Variants in SNW1 observed in about 807,000 individuals in gnomAD.
SNW1 encodes SNW domain containing 1.
A neutral mutation model predicts 75.6 loss-of-function variants in SNW1; 9 were observed. The observed-to-expected ratio is 0.12, with a 90% CI of 0.07 to 0.21. The LOEUF is 0.21. Ranked by LOEUF, SNW1 falls within the 10% of genes least tolerant of loss-of-function variation. The pLI, the probability that SNW1 is intolerant of heterozygous loss-of-function variation, is 1.00. For synonymous variants in SNW1, 200 were observed against 219.1 expected, an observed-to-expected ratio of 0.91 and a Z score of 0.77; for missense variants, 409 against 670.9, an observed-to-expected ratio of 0.61 and a Z score of 4.31.
rs373811353 is a variant in SNW1 at position 77,736,091 on chromosome 14, T to TA, written c.639-86dup. 1,037 of 967,464 alleles carry TA rather than the reference T, an allele frequency of 1.1e-3. 9 individuals carry two copies. In the African/African-American group the frequency reaches 0.015, roughly 14 times the overall value. The allele number at this position is 967,464 out of a possible 1,614,324, so 59.9% of individuals were successfully genotyped here. On this transcript the variant is annotated intron_variant, in intron 6 of 13. Coordinates refer to ENST00000261531, the MANE Select transcript of SNW1 (RefSeq NM_012245.3). ...CAAGTCTCTCCTCCTTTTTCTTGCA[T>TA]AAAAGTTTCAAACATAGACAAAAAC...
chr14:77,740,839 G>A (rs1156545317), intron 3 of SNW1, among the ~76,000 whole-genome samples: 2 of 152,148 alleles, frequency 1.3e-5, no homozygotes. Flanking sequence ...GCTCACGCCT[G>A]TAATCCCAGC....
At chr14:77,745,967 C>T (rs753728897) in intron 3 of SNW1, among the ~76,000 whole-genome samples, 2 of 147,724 alleles carry the variant, frequency 1.4e-5, no homozygotes, top group African/African-American at 2.5e-5. Context: ...AAGGCTGCAG[C>T]GAGTCGTTAT....
chr14:77,755,010 G>C lies in SNW1; in HGVS notation c.125C>G (p.Pro42Arg). 5 of 1,610,186 alleles carry C rather than the reference G, an allele frequency of 3.1e-6. No homozygotes were observed. The highest frequency in any genetic ancestry group is 3.4e-6 in the Non-Finnish European group (4 of 1,178,414). ...CCAGCCTTTCCGGTATCCGTACGGG[G>C]GAGGTTCTCTTCGGGAGGAGACCAG... ...TSLVSSRREP[P>R]PYGYRKGWIP... The change falls in exon 2 of 14, where the codon CCC becomes CGC. Residue 42 changes from proline to arginine, a missense_variant. Pro to Arg is a moderately radical substitution (Grantham distance 103). Transcript: ENST00000261531.
chr14:77,755,203 T>G (rs1476500531), intron 1 of SNW1, 83 bp from the exon 2 acceptor site: 3 of 1,235,982 alleles, frequency 2.4e-6, no homozygotes, highest in Non-Finnish European at 3.4e-6. Context: ...ACAGAGACAA[T>G]TTTTCCTACG....
At chr14:77,737,648 C>T (rs2080683381) in intron 5 of SNW1, among the ~76,000 whole-genome samples, 2 of 152,070 alleles carry the variant, frequency 1.3e-5, no homozygotes, top group South Asian at 4.1e-4. Flanking sequence ...TGATTTAGGT[C>T]ATATACCACA....
intron 10 of SNW1, among the ~76,000 whole-genome samples, chr14:77,726,966 G>A (rs1209608490): frequency 6.6e-6 from 1 of 151,930 alleles, no homozygotes; most frequent in African/African-American, 2.4e-5. Context: ...TACTGAATTC[G>A]TTTATCAGTT....
At chr14:77,740,376 A>T (rs959600741) in intron 3 of SNW1, among the ~76,000 whole-genome samples, 1 of 152,104 alleles carries the variant, frequency 6.6e-6, no homozygotes, top group Non-Finnish European at 1.5e-5. Flanking sequence ...TCATTCATTA[A>T]AAAAGTTTAA....
At chr14:77,749,098 G>C (rs990145388) in intron 3 of SNW1, among the ~76,000 whole-genome samples, 3 of 152,146 alleles carry the variant, frequency 2.0e-5, no homozygotes, top group African/African-American at 7.2e-5. Context: ...TAGACAGTAA[G>C]ATATAAGGAC....
At chr14:77,729,620 T>G (rs961297225) in intron 10 of SNW1, among the ~76,000 whole-genome samples, 6 of 152,202 alleles carry the variant, frequency 3.9e-5, no homozygotes, top group African/African-American at 1.4e-4. Context: ...GTATGTTAAC[T>G]ATAGTTAACA....
intron 3 of SNW1, among the ~76,000 whole-genome samples, chr14:77,745,052 G>GT (rs2080749990): frequency 6.6e-6 from 1 of 152,292 alleles, no homozygotes; most frequent in East Asian, 1.9e-4. Context: ...CTTTCAGGCA[G>GT]TAAGTAAGGC....
intron 5 of SNW1, 70 bp from the exon 6 acceptor site, chr14:77,737,145 C>T: frequency 9.3e-7 from 1 of 1,073,948 alleles, no homozygotes; most frequent in Non-Finnish European, 1.4e-6. Flanking sequence ...CCTTCTATTA[C>T]AATCTTAAGC....
intron 12 of SNW1, among the ~76,000 whole-genome samples, chr14:77,719,279 C>G (rs542335593): frequency 6.6e-6 from 1 of 151,960 alleles, no homozygotes; most frequent in Non-Finnish European, 1.5e-5. Flanking sequence ...TATTTACTTA[C>G]GTGAAATTTC....
chr14:77,722,778 G>A, intron 11 of SNW1: 1 of 393,678 alleles, frequency 2.5e-6, no homozygotes, highest in Non-Finnish European at 4.9e-6. Flanking sequence ...ACTGATCTTA[G>A]TGGACTAAAA....
chr14:77,729,760 G>A (rs2080614365), intron 10 of SNW1, among the ~76,000 whole-genome samples: 1 of 152,106 alleles, frequency 6.6e-6, no homozygotes, highest in Non-Finnish European at 1.5e-5. Flanking sequence ...ATTTCACAGT[G>A]TATATTAAAA....
intron 1 of SNW1, among the ~76,000 whole-genome samples, chr14:77,758,613 G>A (rs1272880104): frequency 2.6e-5 from 4 of 152,134 alleles, no homozygotes; most frequent in Non-Finnish European, 5.9e-5. Context: ...TGTATTACGT[G>A]AAATTGCATT....
chr14:77,756,576 C>T (rs1001597813), intron 1 of SNW1, among the ~76,000 whole-genome samples: 4 of 152,152 alleles, frequency 2.6e-5, no homozygotes, highest in Non-Finnish European at 5.9e-5. Context: ...AGGGTATCTA[C>T]AATGAAATTT....
At chr14:77,739,713 A>G (rs1368666397) in intron 3 of SNW1, among the ~76,000 whole-genome samples, 1 of 152,164 alleles carries the variant, frequency 6.6e-6, no homozygotes, top group Non-Finnish European at 1.5e-5. Context: ...TATGCCCAAC[A>G]TGGTTTCTAT....
chr14:77,753,768 A>G (rs533569242), intron 2 of SNW1, among the ~76,000 whole-genome samples: 6 of 151,968 alleles, frequency 3.9e-5, no homozygotes, highest in Non-Finnish European at 8.8e-5. Context: ...CCTAGCAAAC[A>G]TGGTGAAACC....
rs756958164 is a variant in SNW1, at chr14:77,751,344, G to A, written c.305C>T (p.Ala102Val). ...CTTGTCTTTTGACTGTCCTTGTCGAGCAATTGCATCATATTTAATTTTTCC... is the reference window on the plus strand; with the variant it reads ...CTTGTCTTTTGACTGTCCTTGTCGAACAATTGCATCATATTTAATTTTTCC... The part of the protein sequence containing the change: ...SEGKIKYDAI[A>V]RQGQSKDKVI... Residue 102 changes from alanine to valine, a missense_variant, in exon 3 of 14, where the codon GCT becomes GTT. Transcript: ENST00000261531. 21 of 1,612,928 alleles carry A rather than the reference G, an allele frequency of 1.3e-5. No individual in the cohort carries two copies. The African/African-American group carries it at 2.4e-4, about 18-fold the overall frequency.
Sources: allele counts gnomAD v4.1 joint callset (sites outside exome capture counted in the v4.1 genomes callset), GRCh38; gene constraint gnomAD v4.1.1; transcripts MANE v1.5; gene names NCBI Gene and HGNC (gene_info 2026-07-23, HGNC 2026-07-21).